WIF1: variants seen among roughly 807,000 people sequenced by gnomAD.
WIF1 encodes the protein Wnt inhibitory factor 1.
A neutral mutation model predicts 53.5 loss-of-function variants in WIF1; 35 were observed. The observed-to-expected ratio is 0.65, with a 90% confidence interval of 0.50 to 0.87. WIF1 has a LOEUF of 0.87. Among genes scored for constraint, WIF1 ranks in the 40% least tolerant of loss-of-function variants. The probability of loss-of-function intolerance (pLI) is 0.00; values close to 1 mark genes in which losing one functional copy is unlikely to be tolerated. For missense variants in WIF1, 467 were observed against 476.8 expected (o/e 0.98, Z 0.19); for synonymous variants, 171 against 170.4 (o/e 1.00, Z -0.03).
intron 2 of WIF1, among the ~76,000 whole-genome samples, chr12:65,110,545 T>C (rs925744826): frequency 1.3e-5 from 2 of 152,226 alleles, no homozygotes; most frequent in African/African-American, 2.4e-5. Flanking sequence ...TTCACACTTA[T>C]CAGAGCAAGG....
At chr12:65,066,600 T>G in intron 6 of WIF1, 41 bp downstream of exon 6, 1 of 1,536,434 alleles carries the variant, frequency 6.5e-7, no homozygotes, top group Non-Finnish European at 8.9e-7. Context: ...TCAAACATTT[T>G]AAAAGTAAAA....
At chr12:65,066,578 A>G in intron 6 of WIF1, 63 bp downstream of exon 6, 1 of 1,389,060 alleles carries the variant, frequency 7.2e-7, no homozygotes, top group East Asian at 2.5e-5. Context: ...CATATAAAGT[A>G]ACTTATTCTA....
chr12:65,089,515 T>C (rs527675866), intron 2 of WIF1, among the ~76,000 whole-genome samples: 1 of 152,302 alleles, frequency 6.6e-6, no homozygotes, highest in Non-Finnish European at 1.5e-5. Context: ...ACACCCTTAA[T>C]GGTTTCTTAT....
At chr12:65,097,982 G>A (rs954916171) in intron 2 of WIF1, among the ~76,000 whole-genome samples, 2 of 152,106 alleles carry the variant, frequency 1.3e-5, no homozygotes, top group Non-Finnish European at 2.9e-5. Context: ...GGCAGATTCT[G>A]GTGAAAAGAA....
chr12:65,108,662 C>T (rs1883385294), intron 2 of WIF1, among the ~76,000 whole-genome samples: 1 of 152,092 alleles, frequency 6.6e-6, no homozygotes, highest in Non-Finnish European at 1.5e-5. Flanking sequence ...GGTTCAGGTG[C>T]TCCTCACCTT....
chr12:65,066,355 AGGCAG>A (rs1299143471), intron 6 of WIF1, among the ~76,000 whole-genome samples: 1 of 152,144 alleles, frequency 6.6e-6, no homozygotes, highest in Non-Finnish European at 1.5e-5. Context: ...CCAAAGCTCT[AGGCAG>A]GACCACAGAT....
chr12:65,109,239 G>C (rs1379847243), intron 2 of WIF1, among the ~76,000 whole-genome samples: 1 of 152,180 alleles, frequency 6.6e-6, no homozygotes, highest in African/African-American at 2.4e-5. Flanking sequence ...ACTCAGGTCT[G>C]CTGTTACCTC....
At chr12:65,074,054 G>A (rs1020008237) in intron 3 of WIF1, among the ~76,000 whole-genome samples, 1 of 152,066 alleles carries the variant, frequency 6.6e-6, no homozygotes, top group African/African-American at 2.4e-5. Flanking sequence ...TATAAAGAAC[G>A]TAAATTATTA....
intron 2 of WIF1, among the ~76,000 whole-genome samples, chr12:65,079,044 A>G (rs1340155682): frequency 2.0e-5 from 3 of 151,638 alleles, no homozygotes; most frequent in Non-Finnish European, 4.4e-5. Context: ...GGGTGCTTGT[A>G]GTCCCAGCTA....
chr12:65,055,321 T>A, intron 8 of WIF1, 108 bp from the exon 9 acceptor site: 1 of 1,262,128 alleles, frequency 7.9e-7, no homozygotes. Flanking sequence ...TTTGGCTTCA[T>A]CCTCTAATTT....
rs115029626 is a variant in WIF1, at chr12:65,061,562, G to T, written c.826+919C>A. ...TCTCATTTCTGAGTTAAAGAGAGAG[G>T]CTACATGACTTGCTGAGAGCTACAT... On this transcript the variant is annotated intron_variant, in intron 7 of 9. Transcript: ENST00000286574. Among the ~76,000 whole-genome samples, 1,215 of 152,296 alleles carry T rather than the reference G, an allele frequency of 8.0e-3. 17 individuals carry two copies. The highest frequency in any genetic ancestry group is 0.027 in the African/African-American group (1,114 of 41,558).
At chr12:65,120,366 A>G in intron 2 of WIF1, 51 bp downstream of exon 2, 2 of 1,581,706 alleles carry the variant, frequency 1.3e-6, no homozygotes, top group Non-Finnish European at 1.7e-6. Flanking sequence ...TACTATTTCC[A>G]CCTGCCATAA....
intron 2 of WIF1, among the ~76,000 whole-genome samples, chr12:65,106,187 C>A (rs1883348783): frequency 6.6e-6 from 1 of 151,920 alleles, no homozygotes; most frequent in Non-Finnish European, 1.5e-5. Flanking sequence ...CCTGCATGAG[C>A]AGTAGAGGGG....
chr12:65,076,058 T>G (rs1443693391), intron 3 of WIF1, among the ~76,000 whole-genome samples: 1 of 152,138 alleles, frequency 6.6e-6, no homozygotes, highest in Non-Finnish European at 1.5e-5. Context: ...AGACTGACTT[T>G]TTTCTTTTTT....
chr12:65,112,443 C>CAT (rs1372810052), intron 2 of WIF1, among the ~76,000 whole-genome samples: 9 of 150,270 alleles, frequency 6.0e-5, no homozygotes, highest in Non-Finnish European at 1.0e-4. Flanking sequence ...CACACACACA[C>CAT]ACACACACCA....
chr12:65,109,746 G>A (rs1421654133), intron 2 of WIF1, among the ~76,000 whole-genome samples: 2 of 152,130 alleles, frequency 1.3e-5, no homozygotes, highest in Non-Finnish European at 2.9e-5. Context: ...GTGATCTTGG[G>A]CAAGTAACTT....
intron 1 of WIF1, chr12:65,120,783 C>T (rs1048090751): frequency 1.4e-5 from 11 of 765,156 alleles, no homozygotes; most frequent in African/African-American, 5.3e-5. Context: ...TGGAGTTAAC[C>T]GACGCAAAAA....
At chr12:65,082,239 A>C (rs1054021717) in intron 2 of WIF1, among the ~76,000 whole-genome samples, 5 of 152,166 alleles carry the variant, frequency 3.3e-5, no homozygotes. Context: ...TTCTATGCCA[A>C]AGAGAACAGA....
rs1345943437 is a variant in WIF1, at chr12:65,060,958, T to C, written c.826+1523A>G. On this transcript the variant is annotated intron_variant, in intron 7 of 9. Coordinates refer to ENST00000286574, the MANE Select transcript of WIF1 (RefSeq NM_007191.5). ...ATTGTCTCTGCCAACAGAAGATTCA[T>C]AAACCTAAGAACATGAAAGGGCATA... Among the ~76,000 whole-genome samples the C allele has an allele frequency of 2.0e-5, 3 of 152,202 alleles. No homozygotes were observed. The East Asian group carries it at 5.8e-4, about 29-fold the overall frequency.
Sources: gnomAD v4.1 joint callset for allele counts (sites outside exome capture counted in the v4.1 genomes callset) on GRCh38, gnomAD v4.1.1 for gene constraint, MANE v1.5 for transcripts, NCBI Gene and HGNC (gene_info 2026-07-23, HGNC 2026-07-21) for gene names.